ZNF182: variants seen among roughly 807,000 people sequenced by gnomAD.
ZNF182 encodes zinc finger protein 21 (KOX 14).
Under a neutral mutation model 28.1 loss-of-function variants are expected in ZNF182, and 10 were observed. That is an observed-to-expected ratio of 0.36 (90% CI 0.22 to 0.60). The LOEUF (loss-of-function observed/expected upper bound fraction) is 0.60, where lower values mean the gene tolerates loss of function less well. Among genes scored for constraint, ZNF182 ranks in the 20% least tolerant of loss-of-function variants. The probability of loss-of-function intolerance (pLI) is 0.75; values close to 1 mark genes in which losing one functional copy is unlikely to be tolerated. For synonymous variants in ZNF182, 156 were observed against 158.7 expected (o/e 0.98, Z 0.13); for missense variants, 352 against 453.2 (o/e 0.78, Z 2.03).
chrX:48,002,769 A>T, intron 2 of ZNF182, 116 bp from the exon 3 acceptor site: 2 of 572,933 alleles, frequency 3.5e-6, no homozygotes, highest in Non-Finnish European at 5.7e-6. Context: ...TGCTCTCTGG[A>T]AGAGTCTGGG....
At chrX:47,993,238 G>A (rs1556900669) in intron 3 of ZNF182, among the ~76,000 whole-genome samples, 1 of 112,051 alleles carries the variant, frequency 8.9e-6, no homozygotes, top group East Asian at 2.8e-4. Context: ...TTGGGAGGGC[G>A]GCACACCCAG....
At chrX:47,989,566 C>T (rs1273952830) in intron 3 of ZNF182, among the ~76,000 whole-genome samples, 1 of 111,931 alleles carries the variant, frequency 8.9e-6, no homozygotes, top group African/African-American at 3.2e-5. Context: ...TTCTACAATA[C>T]GGATGGCCTA....
chrX:47,989,321 G>A (rs1556900145), intron 3 of ZNF182, among the ~76,000 whole-genome samples: 2 of 110,488 alleles, frequency 1.8e-5, no homozygotes. Flanking sequence ...CAGTTACTTG[G>A]GAGGCTAAGG....
Position 48,003,016 on chromosome X carries a change from TTAA to T in ZNF182, c.-44-366_-44-364del, listed in dbSNP as rs1452061464. On this transcript the variant is annotated intron_variant, in intron 2 of 5. Transcript: ENST00000376943. ...ACGATCCTCTATGACCCATAAGGGA[TTAA>T]TAATAACAAAATATAAAAGATAAAA... Among the ~76,000 whole-genome samples, 10 of 112,045 alleles carry T rather than the reference TTAA, an allele frequency of 8.9e-5. No individual in the cohort carries two copies. The East Asian group carries it at 2.2e-3, about 25-fold the overall frequency.
chrX:47,996,837 G>A (rs1212607872), intron 3 of ZNF182, among the ~76,000 whole-genome samples: 3 of 111,986 alleles, frequency 2.7e-5, no homozygotes, highest in African/African-American at 9.8e-5. Context: ...CCATGGGAGG[G>A]CACAGCAAGA....
rs1225353011 is a variant in ZNF182, at chrX:47,975,260, G to A, written c.*907C>T. 4 of 110,357 alleles carry A rather than the reference G, an allele frequency of 3.6e-5. No homozygotes were observed. The highest frequency in any genetic ancestry group is 1.3e-4 in the African/African-American group (4 of 30,218). 9.1% of individuals were successfully genotyped at this position (110,357 alleles called of 1,213,427 possible). The stretch of plus-strand genomic sequence containing the variant: ...ATTTAGGGAACCAGAACCCTGATAT[G>A]GTGTCATTTAAACAGCTTCCAATCT... On this transcript the variant is annotated 3_prime_UTR_variant, in exon 6 of 6. Transcript: ENST00000376943.
intron 3 of ZNF182, among the ~76,000 whole-genome samples, chrX:47,984,583 A>AAATG (rs782033201): frequency 1.3e-3 from 147 of 111,491 alleles, no homozygotes; most frequent in Non-Finnish European, 1.5e-3. Context: ...ATAGTAATGA[A>AAATG]AATGAATGAA....
At chrX:47,992,209 T>C (rs1556900557) in intron 3 of ZNF182, among the ~76,000 whole-genome samples, 7 of 112,269 alleles carry the variant, frequency 6.2e-5, no homozygotes, top group Non-Finnish European at 1.9e-5. Flanking sequence ...GGAAGCACTG[T>C]TTGTCCCCTG....
intron 3 of ZNF182, among the ~76,000 whole-genome samples, chrX:47,985,074 A>T (rs782328299): frequency 2.9e-4 from 33 of 112,263 alleles, no homozygotes; most frequent in Non-Finnish European, 9.4e-5. Context: ...TCCCACTCCC[A>T]CGTTTATTTA....
chrX:47,989,962 G>A (rs184269583), intron 3 of ZNF182, among the ~76,000 whole-genome samples: 2 of 110,952 alleles, frequency 1.8e-5, no homozygotes, highest in Admixed American at 1.9e-4. Context: ...CACCTTCACT[G>A]GAGAATGATG....
Position 47,976,470 on chromosome X carries a change from C to G in ZNF182, c.1560G>C (p.Glu520Asp). 7 of 1,211,422 alleles carry G rather than the reference C, an allele frequency of 5.8e-6. No homozygotes were observed. The highest frequency in any genetic ancestry group is 7.8e-6 in the Non-Finnish European group (7 of 895,448). ...LIIHQRIHTG[E>D]KPYECPVCWK... Reference sequence around the variant, plus strand: ...AACACACAGGACATTCATAAGGTTTCTCTCCTGTATGAATTCTCTGATGTA... The same window carrying G: ...AACACACAGGACATTCATAAGGTTTGTCTCCTGTATGAATTCTCTGATGTA... Residue 520 changes from glutamate (E) to aspartate (D), a missense_variant, in exon 6 of 6, where the codon GAG (glutamate) becomes GAC (aspartate). Transcript: ENST00000376943.
chrX:47,979,870 T>G (rs1186309650), intron 5 of ZNF182, among the ~76,000 whole-genome samples: 1 of 84,002 alleles, frequency 1.2e-5, no homozygotes, highest in African/African-American at 5.1e-5. Flanking sequence ...GTGTGGGGTG[T>G]GTGTGTGTGT....
In ZNF182 at chrX:47,976,418, G is replaced by C; in HGVS notation, c.1612C>G (p.Leu538Val). 8.3e-7 allele frequency: 1 copy of C among 1,211,640 alleles called. No individual in the cohort carries two copies. Among genetic ancestry groups the C allele is most frequent in the Non-Finnish European group, 1.1e-6 (1 of 895,513 alleles). ...CWKAFSQKSQLIIHQRTHTGE... is the reference protein window; with the variant it reads ...CWKAFSQKSQVIIHQRTHTGE... ...GTGTGCGTTCTCTGATGTATTATGA[G>C]CTGTGACTTCTGGCTAAAAGCTTTC... Residue 538 changes from leucine to valine, a missense_variant, in exon 6 of 6, where the codon CTC becomes GTC. Coordinates refer to ENST00000376943, the MANE Select transcript of ZNF182 (RefSeq NM_001007088.2).
rs1197475374 is a variant in ZNF182, at chrX:47,976,083, CA to C, written c.*83del. 74 of 959,563 alleles carry C rather than the reference CA, an allele frequency of 7.7e-5. No homozygotes were observed. Among genetic ancestry groups the C allele is most frequent in the Non-Finnish European group, 9.0e-5 (65 of 723,651 alleles). 79.1% of individuals were successfully genotyped at this position (959,563 alleles called of 1,213,427 possible). ...TGAATTTACTCCCATATTTAAACCA[CA>C]AGTCAAAATATACTTTTAAAATGTG... On this transcript the variant is annotated 3_prime_UTR_variant, in exon 6 of 6. Coordinates refer to ENST00000376943, the MANE Select transcript of ZNF182 (RefSeq NM_001007088.2).
chrX:47,981,225 A>T, intron 5 of ZNF182, among the ~76,000 whole-genome samples: 1 of 112,014 alleles, frequency 8.9e-6, no homozygotes, highest in Non-Finnish European at 1.9e-5. Context: ...AGCCCCTTGA[A>T]GAAATCACCA....
At chrX:47,980,446 T>C (rs2058901617) in intron 5 of ZNF182, among the ~76,000 whole-genome samples, 1 of 111,691 alleles carries the variant, frequency 9.0e-6, no homozygotes, top group Non-Finnish European at 1.9e-5. Flanking sequence ...AAGAAAAGAT[T>C]TTGAATGTTC....
At chrX:47,994,647 TTGTG>T (rs2058952396) in intron 3 of ZNF182, among the ~76,000 whole-genome samples, 1 of 111,756 alleles carries the variant, frequency 8.9e-6, no homozygotes, top group African/African-American at 3.3e-5. Flanking sequence ...TCATACTTTT[TTGTG>T]TGTGTAAGAT....
chrX:47,976,670 G>C lies in ZNF182; in HGVS notation c.1360C>G (p.Leu454Val), dbSNP rs1392817911. 5.0e-6 allele frequency: 6 copies of C among 1,207,262 alleles called. No individual in the cohort carries two copies. Among genetic ancestry groups the C allele is most frequent in the Non-Finnish European group, 6.7e-6 (6 of 893,792 alleles). Residue 454 changes from leucine to valine, a missense_variant, in exon 6 of 6, where the codon CTC becomes GTC. Coordinates refer to ENST00000376943, the MANE Select transcript of ZNF182 (RefSeq NM_001007088.2). ...GTATGACCTCTCTGATGCAGCATGA[G>C]GTAGGACTTCTGAGAGAAGGCTTTC... ...CEKAFSQKSY[L>V]MLHQRGHTGE... is the part of the protein sequence containing the mutation.
At position 47,975,340 on chromosome X, in the gene ZNF182, T is replaced by G. The variant is rs1003997330; in HGVS notation, c.*827A>C. On this transcript the variant is annotated 3_prime_UTR_variant, in exon 6 of 6. Coordinates refer to ENST00000376943, the MANE Select transcript of ZNF182 (RefSeq NM_001007088.2). Reference sequence around the variant, plus strand: ...TACTGTATGTTCATCATTTTGTACATGTGTGAGTATGTACATTCCTAGAAG... The same window carrying G: ...TACTGTATGTTCATCATTTTGTACAGGTGTGAGTATGTACATTCCTAGAAG... The G allele has an allele frequency of 1.8e-5, 2 of 112,108 alleles. No individual in the cohort carries two copies. The highest frequency in any genetic ancestry group is 1.9e-4 in the Admixed American group (2 of 10,536). The allele number at this position is 112,108 out of a possible 1,213,427, so 9.2% of individuals were successfully genotyped here.
Sources: gnomAD v4.1 joint callset for allele counts (sites outside exome capture counted in the v4.1 genomes callset) on GRCh38, gnomAD v4.1.1 for gene constraint, MANE v1.5 for transcripts, NCBI Gene and HGNC (gene_info 2026-07-23, HGNC 2026-07-21) for gene names.